The following GALNT13 variants were observed in gnomAD, a reference collection of about 807,000 sequenced individuals.
The protein encoded by GALNT13 is UDP-GalNAc:polypeptide N-acetylgalactosaminyltransferase 13.
A neutral mutation model predicts 64.2 loss-of-function variants in GALNT13; 28 were observed. The observed-to-expected ratio is 0.44, with a 90% CI of 0.32 to 0.60. The LOEUF (loss-of-function observed/expected upper bound fraction) is 0.60. Ranked by LOEUF, GALNT13 falls within the 20% of genes least tolerant of loss-of-function variation. The pLI, the probability that GALNT13 is intolerant of heterozygous loss-of-function variation, is 0.05. For missense variants in GALNT13, 577 were observed against 669.8 expected, an observed-to-expected ratio of 0.86 and a Z score of 1.53; for synonymous variants, 214 against 224.6, an observed-to-expected ratio of 0.95 and a Z score of 0.42.
At chr2:154,381,128 A>G (rs1698250972) in intron 9 of GALNT13, among the ~76,000 whole-genome samples, 1 of 152,118 alleles carries the variant, frequency 6.6e-6, no homozygotes, top group Admixed American at 6.6e-5. Context: ...GGTCACACCT[A>G]GACATAAATA....
chr2:153,456,749 A>G, the GALNT13 span, among the ~76,000 whole-genome samples: 1 of 152,202 alleles, frequency 6.6e-6, no homozygotes, highest in Non-Finnish European at 1.5e-5. Context: ...AGGTTAGGTA[A>G]CTTGTCATGG....
chr2:153,243,229 A>C, the GALNT13 span, among the ~76,000 whole-genome samples: 1 of 152,264 alleles, frequency 6.6e-6, no homozygotes, highest in African/African-American at 2.4e-5. Context: ...TGCATGGTAG[A>C]AGGACTGCAC....
chr2:154,308,183 C>G (rs1693844542), intron 9 of GALNT13, among the ~76,000 whole-genome samples: 1 of 151,970 alleles, frequency 6.6e-6, no homozygotes, highest in Non-Finnish European at 1.5e-5. Context: ...TTTTCTTTGG[C>G]AATATTGTAG....
chr2:153,652,636 G>C, the GALNT13 span, among the ~76,000 whole-genome samples: 8 of 151,962 alleles, frequency 5.3e-5, no homozygotes, highest in Admixed American at 3.3e-4. Flanking sequence ...AAAAATTAGA[G>C]ACAGAAAGAT....
chr2:153,073,923 C>T, the GALNT13 span, among the ~76,000 whole-genome samples: 3 of 152,064 alleles, frequency 2.0e-5, no homozygotes, highest in South Asian at 6.2e-4. Flanking sequence ...GATAGATTCT[C>T]ATAGTGTGGA....
chr2:153,867,047 C>T (rs775258064), upstream of GALNT13, among the ~76,000 whole-genome samples: 1 of 152,100 alleles, frequency 6.6e-6, no homozygotes, highest in East Asian at 1.9e-4. Flanking sequence ...AATGCCCGTG[C>T]ATTATAAGAA....
chr2:153,731,301 G>A, the GALNT13 span, among the ~76,000 whole-genome samples: 1,256 of 151,914 alleles, frequency 8.3e-3, 54 homozygotes, highest in East Asian at 0.13. Context: ...GCTAAGTGAT[G>A]TGTACACGTG....
chr2:153,341,538 C>T, the GALNT13 span, among the ~76,000 whole-genome samples: 4 of 152,150 alleles, frequency 2.6e-5, no homozygotes, highest in South Asian at 8.3e-4. Flanking sequence ...CTAGCTTTTG[C>T]GTATGGTGCA....
rs559924672 is a variant in GALNT13 at position 154,148,914 on chromosome 2, A to C, written c.311+8409A>C. On this transcript the variant is annotated intron_variant, in intron 4 of 12. Transcript: ENST00000392825. ...CTGATGGTAGTTTCTTTTGCTGTGC[A>C]GAAGCTCTTGAGTTTAATTAGATAC... 7.0e-3 allele frequency among the ~76,000 whole-genome samples: 1,071 copies of C among 152,230 alleles called. 13 individuals carry two copies. Among genetic ancestry groups the C allele is most frequent in the African/African-American group, 0.025 (1,033 of 41,532 alleles).
intron 2 of GALNT13, among the ~76,000 whole-genome samples, chr2:153,943,861 C>A (rs967495588): frequency 6.6e-6 from 1 of 152,186 alleles, no homozygotes; most frequent in Non-Finnish European, 1.5e-5. Flanking sequence ...ACATAATCCT[C>A]ATAACAAATG....
intron 9 of GALNT13, among the ~76,000 whole-genome samples, chr2:154,371,281 C>T (rs1328638663): frequency 6.6e-6 from 1 of 152,000 alleles, no homozygotes; most frequent in Non-Finnish European, 1.5e-5. Context: ...GATCCCATAC[C>T]AGAAGTAGAG....
rs558275491 is a variant in GALNT13, at chr2:154,397,525, C to T, written c.1296+1395C>T. Among the ~76,000 whole-genome samples, 3 of 152,242 alleles carry T rather than the reference C, an allele frequency of 2.0e-5. No homozygotes were observed. The South Asian group carries it at 6.2e-4, about 32-fold the overall frequency. ...AGATTTAAAATGCCATTGTTGTAGA[C>T]CATAATGGTAGAATATCTGAAAATG... On this transcript the variant is annotated intron_variant, in intron 10 of 12. Coordinates refer to ENST00000392825, the MANE Select transcript of GALNT13 (RefSeq NM_052917.4).
the GALNT13 span, among the ~76,000 whole-genome samples, chr2:153,194,270 G>C: frequency 2.0e-5 from 3 of 151,908 alleles, no homozygotes; most frequent in Admixed American, 6.6e-5. Flanking sequence ...AATCATGAAG[G>C]CTTTCTTTTT....
the GALNT13 span, among the ~76,000 whole-genome samples, chr2:153,095,582 G>A: frequency 3.3e-5 from 5 of 152,148 alleles, no homozygotes; most frequent in Non-Finnish European, 7.3e-5. Flanking sequence ...AAAGACACAT[G>A]CACACATATG....
the GALNT13 span, among the ~76,000 whole-genome samples, chr2:153,294,154 T>G: frequency 6.6e-6 from 1 of 152,088 alleles, no homozygotes; most frequent in Admixed American, 6.6e-5. Flanking sequence ...AAGGAAAGAC[T>G]TACTAATGTT....
At chr2:153,580,424 C>T in the GALNT13 span, among the ~76,000 whole-genome samples, 2 of 151,902 alleles carry the variant, frequency 1.3e-5, no homozygotes, top group Admixed American at 6.6e-5. Context: ...AATCAATAGA[C>T]CCACCTGGAA....
chr2:153,533,775 A>AT, the GALNT13 span, among the ~76,000 whole-genome samples: 2 of 70,190 alleles, frequency 2.8e-5, no homozygotes, highest in African/African-American at 6.0e-5. Flanking sequence ...ATCTATTGGT[A>AT]TTTCATCAAG....
chr2:154,246,033 G>T, intron 7 of GALNT13, 51 bp downstream of exon 7: 2 of 1,267,914 alleles, frequency 1.6e-6, no homozygotes, highest in South Asian at 1.4e-5. Flanking sequence ...TAAAAATTAA[G>T]GAATATTATA....
the GALNT13 span, among the ~76,000 whole-genome samples, chr2:153,374,431 G>GT: frequency 6.6e-6 from 1 of 152,004 alleles, no homozygotes; most frequent in East Asian, 1.9e-4. Context: ...TTTAAATCAA[G>GT]TTTTGTTGTT....
Sources: gnomAD v4.1 joint callset for allele counts (sites outside exome capture counted in the v4.1 genomes callset) on GRCh38, gnomAD v4.1.1 for gene constraint, MANE v1.5 for transcripts, NCBI Gene and HGNC (gene_info 2026-07-23, HGNC 2026-07-21) for gene names.